The following PPM1B variants were observed in gnomAD, a reference collection of about 807,000 sequenced individuals.
The protein encoded by PPM1B is protein phosphatase 1B.
PPM1B carries 22 observed loss-of-function variants against 43.0 expected under a neutral mutation model. The observed-to-expected ratio is 0.51, with a 90% CI of 0.37 to 0.73. The LOEUF (loss-of-function observed/expected upper bound fraction) is 0.73. PPM1B is among the 30% of genes least tolerant of loss of function. The probability of loss-of-function intolerance (pLI) is 0.00; values close to 1 mark genes in which losing one functional copy is unlikely to be tolerated. For synonymous variants in PPM1B, 217 were observed against 197.9 expected, an observed-to-expected ratio of 1.10 and a Z score of -0.81; for missense variants, 632 against 584.2, an observed-to-expected ratio of 1.08 and a Z score of -0.84.
intron 1 of PPM1B, among the ~76,000 whole-genome samples, chr2:44,178,951 C>G (rs1261652565): frequency 6.6e-6 from 1 of 152,014 alleles, no homozygotes; most frequent in Non-Finnish European, 1.5e-5. Flanking sequence ...AGATATTTTG[C>G]ATTCTTTTAA....
intron 5 of PPM1B, among the ~76,000 whole-genome samples, chr2:44,224,196 C>G (rs1670107393): frequency 1.3e-5 from 2 of 152,092 alleles, no homozygotes. Flanking sequence ...TGGCTCACGC[C>G]TGTAATCCCA....
chr2:44,170,379 T>G (rs1667274255), intron 1 of PPM1B, among the ~76,000 whole-genome samples: 1 of 152,244 alleles, frequency 6.6e-6, no homozygotes, highest in Non-Finnish European at 1.5e-5. Flanking sequence ...AAAAGGATTA[T>G]TTAGGAATTT....
chr2:44,172,856 G>C (rs1667412156), intron 1 of PPM1B, among the ~76,000 whole-genome samples: 1 of 152,222 alleles, frequency 6.6e-6, no homozygotes, highest in Non-Finnish European at 1.5e-5. Context: ...GCAGCGAGCT[G>C]TGATTGCACC....
At chr2:44,186,223 T>C (rs1384554014) in intron 1 of PPM1B, among the ~76,000 whole-genome samples, 3 of 152,140 alleles carry the variant, frequency 2.0e-5, no homozygotes, top group Admixed American at 6.5e-5. Context: ...ATGAAAGCCA[T>C]TAATCTACAC....
chr2:44,182,790 C>A (rs149612342), intron 1 of PPM1B, among the ~76,000 whole-genome samples: 10 of 151,940 alleles, frequency 6.6e-5, no homozygotes, highest in African/African-American at 2.4e-4. Flanking sequence ...AGAATTGGAC[C>A]GTGATGTTTT....
intron 5 of PPM1B, among the ~76,000 whole-genome samples, chr2:44,223,907 C>T (rs548581898): frequency 6.9e-6 from 1 of 143,926 alleles, no homozygotes; most frequent in South Asian, 2.3e-4. Context: ...ATTGACATAA[C>T]ACTTACCTTT....
intron 1 of PPM1B, among the ~76,000 whole-genome samples, chr2:44,199,696 C>A (rs1238439551): frequency 6.6e-6 from 1 of 152,090 alleles, no homozygotes; most frequent in Non-Finnish European, 1.5e-5. Flanking sequence ...GCTCTCAGTA[C>A]AAAATATGAC....
intron 5 of PPM1B, chr2:44,229,906 C>G (rs888084925): frequency 1.6e-6 from 2 of 1,218,854 alleles, no homozygotes; most frequent in South Asian, 1.6e-5. Flanking sequence ...AAAGTAAATA[C>G]AATTTTTATC....
chr2:44,202,457 T>A (rs1668985717), intron 2 of PPM1B, among the ~76,000 whole-genome samples: 1 of 152,208 alleles, frequency 6.6e-6, no homozygotes, highest in Non-Finnish European at 1.5e-5. Context: ...ATGTACTAGA[T>A]GCCTAGCCTG....
Position 44,231,078 on chromosome 2 carries a change from C to T in PPM1B, c.*360C>T. The T allele has an allele frequency of 1.9e-5, 17 of 902,238 alleles. No homozygotes were observed. The highest frequency in any genetic ancestry group is 2.3e-5 in the Non-Finnish European group (17 of 752,234). The allele number at this position is 902,238 out of a possible 1,614,324, so 55.9% of individuals were successfully genotyped here. Reference sequence around the variant, plus strand: ...AACTTGTTAATGTAGAATTATACTGCTTCATATTATTTTACCTATTAGTAC... The same window carrying T: ...AACTTGTTAATGTAGAATTATACTGTTTCATATTATTTTACCTATTAGTAC... On this transcript the variant is annotated 3_prime_UTR_variant, in exon 6 of 6. Transcript: ENST00000282412.
At chr2:44,245,901 G>C (rs1670845446), downstream of PPM1B, among the ~76,000 whole-genome samples, 1 of 152,168 alleles carries the variant, frequency 6.6e-6, no homozygotes, top group South Asian at 2.1e-4. Flanking sequence ...TTTGGAGCTG[G>C]TGCTCCTGGG....
At position 44,222,780 on chromosome 2, in the gene PPM1B, G is replaced by GA. The variant is rs1670033257; in HGVS notation, c.1134+4248dup. On this transcript the variant is annotated intron_variant, in intron 5 of 5. Transcript: ENST00000282412. ...TACCCCACCTGTGTCTACCATGCAG[G>GA]AAAAATCATTTCCCATTCTTTTGTA... Among the ~76,000 whole-genome samples the GA allele has an allele frequency of 1.3e-5, 2 of 152,062 alleles. 1 individual carries two copies. Among genetic ancestry groups the GA allele is most frequent in the South Asian group, 4.2e-4 (2 of 4,818 alleles).
At chr2:44,225,760 G>A (rs1011060729) in intron 5 of PPM1B, among the ~76,000 whole-genome samples, 1 of 151,958 alleles carries the variant, frequency 6.6e-6, no homozygotes, top group African/African-American at 2.4e-5. Flanking sequence ...AGGTTCAAGC[G>A]ATTCTCCTGC....
chr2:44,200,004 T>C (rs972744391), intron 1 of PPM1B, among the ~76,000 whole-genome samples: 1 of 152,210 alleles, frequency 6.6e-6, no homozygotes, highest in African/African-American at 2.4e-5. Context: ...CCAGTGTCTC[T>C]CAAAACTTTA....
chr2:44,241,539 C>T (rs1423006196), intron 5 of PPM1B, among the ~76,000 whole-genome samples: 2 of 142,792 alleles, frequency 1.4e-5, no homozygotes, highest in Admixed American at 1.4e-4. Flanking sequence ...CGAGACCAGC[C>T]TGGCCAGCAT....
chr2:44,204,661 A>G (rs145596324), intron 2 of PPM1B, among the ~76,000 whole-genome samples: 2,032 of 152,180 alleles, frequency 0.013, 43 homozygotes, highest in African/African-American at 0.047. Context: ...GATCGAGACC[A>G]TCCTGGCTAA....
intron 5 of PPM1B, chr2:44,230,074 T>C: frequency 6.5e-7 from 1 of 1,539,642 alleles, no homozygotes; most frequent in South Asian, 1.3e-5. Flanking sequence ...TCTTTTGTAC[T>C]AAATCATATA....
At chr2:44,231,799 T>C (rs557349650), downstream of PPM1B, among the ~76,000 whole-genome samples, 4 of 152,162 alleles carry the variant, frequency 2.6e-5, no homozygotes, top group Non-Finnish European at 4.4e-5. Flanking sequence ...TTGTTAGTTA[T>C]TAAGAAATTG....
chr2:44,170,007 T>C (rs1667249755), intron 1 of PPM1B, among the ~76,000 whole-genome samples: 1 of 152,172 alleles, frequency 6.6e-6, no homozygotes, highest in African/African-American at 2.4e-5. Flanking sequence ...CTAACAACCT[T>C]GAAAAAATTG....
Sources: gnomAD v4.1 joint callset for allele counts (sites outside exome capture counted in the v4.1 genomes callset) on GRCh38, gnomAD v4.1.1 for gene constraint, MANE v1.5 for transcripts, NCBI Gene and HGNC (gene_info 2026-07-23, HGNC 2026-07-21) for gene names.